Variants in DCC observed in about 807,000 individuals in gnomAD.
DCC encodes the protein netrin receptor DCC.
Under a neutral mutation model 172.5 loss-of-function variants are expected in DCC, and 58 were observed. The ratio of observed to expected loss-of-function variants is 0.34; its 90% CI spans 0.27 to 0.42. DCC has a LOEUF of 0.42. DCC is among the 10% of genes least tolerant of loss of function. The pLI is 1.00. For missense variants in DCC, 1,740 were observed against 1,791.0 expected, an observed-to-expected ratio of 0.97 and a Z score of 0.51; for synonymous variants, 709 against 644.5, an observed-to-expected ratio of 1.10 and a Z score of -1.52.
chr18:52,761,864 G>C (rs1040904307), intron 2 of DCC, among the ~76,000 whole-genome samples: 1 of 143,026 alleles, frequency 7.0e-6, no homozygotes, highest in African/African-American at 2.8e-5. Flanking sequence ...AGCCGAGATA[G>C]CGCCACTGCA....
intron 22 of DCC, among the ~76,000 whole-genome samples, chr18:53,442,991 C>G (rs1424405018): frequency 6.6e-6 from 1 of 152,110 alleles, no homozygotes; most frequent in Non-Finnish European, 1.5e-5. Context: ...GGTTTAAGAA[C>G]AGAAGCCGTC....
At chr18:52,556,913 C>T (rs1598911316) in intron 1 of DCC, among the ~76,000 whole-genome samples, 1 of 152,254 alleles carries the variant, frequency 6.6e-6, no homozygotes, top group African/African-American at 2.4e-5. Flanking sequence ...AGTCAAGAAC[C>T]TGAACTGGCC....
At chr18:52,528,231 A>C (rs1490008400) in intron 1 of DCC, among the ~76,000 whole-genome samples, 2 of 152,198 alleles carry the variant, frequency 1.3e-5, no homozygotes, top group Non-Finnish European at 2.9e-5. Flanking sequence ...TAGCTTTTCA[A>C]TAAATACTTG....
chr18:52,752,040 C>T lies in DCC; in HGVS notation c.92-14C>T, dbSNP rs1311551649. 6.2e-7 allele frequency: 1 copy of T among 1,608,256 alleles called. No individual in the cohort carries two copies. Among genetic ancestry groups the T allele is most frequent in the Non-Finnish European group, 8.5e-7 (1 of 1,174,842 alleles). On this transcript the variant is annotated splice_polypyrimidine_tract_variant and intron_variant, in intron 1 of 28. Transcript: ENST00000442544. ...GAATACATGAACATATTTCCCTGTG[C>T]TCTCTTGTTCCAGGTTTTCAAATTA... is the stretch of plus-strand genomic sequence containing the variant.
intron 2 of DCC, among the ~76,000 whole-genome samples, chr18:52,767,482 A>G (rs137948828): frequency 3.3e-5 from 5 of 152,334 alleles, no homozygotes; most frequent in South Asian, 4.1e-4. Flanking sequence ...AATGGGGTCA[A>G]GAGACTCATG....
rs189331597 is a variant in DCC, at chr18:53,393,386, A to G, written c.2688+1499A>G. ...AGGTATTTGGAAGAACTCTCCAGGC[A>G]AGTCTAAATAGTATCATTGTTATAA... On this transcript the variant is annotated intron_variant, in intron 17 of 28. Coordinates refer to ENST00000442544, the MANE Select transcript of DCC (RefSeq NM_005215.4). Among the ~76,000 whole-genome samples the G allele has an allele frequency of 4.6e-5, 7 of 152,352 alleles. No individual in the cohort carries two copies. The East Asian group carries it at 9.6e-4, about 21-fold the overall frequency.
At chr18:52,943,011 C>A (rs1242943707) in intron 5 of DCC, among the ~76,000 whole-genome samples, 3 of 152,110 alleles carry the variant, frequency 2.0e-5, no homozygotes, top group Non-Finnish European at 4.4e-5. Context: ...AAATGCCTGC[C>A]ACAGAGTATG....
chr18:53,086,363 CTTCTTCTTCTTCTTCCT>C (rs1363611321), intron 7 of DCC, among the ~76,000 whole-genome samples: 2 of 35,038 alleles, frequency 5.7e-5, no homozygotes, highest in South Asian at 1.1e-3. Context: ...CTTTCTTCTT[CTTCTTCTTCTTCTTCCT>C]TTCTTCTTCT....
chr18:52,896,513 T>A (rs1451119426), intron 2 of DCC, among the ~76,000 whole-genome samples: 1 of 152,182 alleles, frequency 6.6e-6, no homozygotes, highest in East Asian at 1.9e-4. Flanking sequence ...CATACATAAA[T>A]GGCATTGATG....
At chr18:53,206,285 CCA>C (rs2055632234) in intron 10 of DCC, among the ~76,000 whole-genome samples, 1 of 130,422 alleles carries the variant, frequency 7.7e-6, no homozygotes, top group Non-Finnish European at 1.6e-5. Context: ...CACATATATA[CCA>C]CATATATGTA....
At chr18:52,941,714 CTAT>C (rs1234159614) in intron 5 of DCC, among the ~76,000 whole-genome samples, 1 of 151,974 alleles carries the variant, frequency 6.6e-6, no homozygotes, top group African/African-American at 2.4e-5. Context: ...AAAGAGACTA[CTAT>C]TAATATTTCA....
At chr18:53,253,739 A>C (rs2056471092) in intron 12 of DCC, among the ~76,000 whole-genome samples, 2 of 152,064 alleles carry the variant, frequency 1.3e-5, no homozygotes, top group African/African-American at 4.8e-5. Context: ...ATGTGGATCA[A>C]ATTTCTTAGA....
intron 13 of DCC, among the ~76,000 whole-genome samples, chr18:53,311,214 C>G (rs939771700): frequency 6.6e-6 from 1 of 151,936 alleles, no homozygotes. Flanking sequence ...CTCTGCCTCC[C>G]GGGTTCAAGT....
intron 2 of DCC, among the ~76,000 whole-genome samples, chr18:52,821,542 G>T (rs1355011005): frequency 1.3e-5 from 2 of 151,928 alleles, no homozygotes; most frequent in Non-Finnish European, 2.9e-5. Context: ...ATTCATTCCG[G>T]CTTTAGCCCC....
rs1295513912 is a variant in DCC, at chr18:53,448,268, TCA to T, written c.3230-2229_3230-2228del. On this transcript the variant is annotated intron_variant, in intron 22 of 28. Coordinates refer to ENST00000442544, the MANE Select transcript of DCC (RefSeq NM_005215.4). ...TATAAAGGAAAGAGGTTTAATTGAC[TCA>T]CAGTTCAGCGTGGCTTGGGATGCTT... 4.6e-5 allele frequency among the ~76,000 whole-genome samples: 7 copies of T among 152,274 alleles called. No homozygotes were observed. The East Asian group carries it at 1.4e-3, about 29-fold the overall frequency.
chr18:52,384,284 C>T (rs977875608), intron 1 of DCC, among the ~76,000 whole-genome samples: 6 of 152,050 alleles, frequency 3.9e-5, no homozygotes, highest in Non-Finnish European at 5.9e-5. Context: ...CACTTCCTAC[C>T]GAGCTTCCTT....
At chr18:53,316,429 T>C (rs1360858161) in intron 13 of DCC, among the ~76,000 whole-genome samples, 1 of 152,114 alleles carries the variant, frequency 6.6e-6, no homozygotes, top group Non-Finnish European at 1.5e-5. Context: ...TTATCTTGGC[T>C]ATGCAGGCTC....
In DCC at chr18:52,830,773, G is replaced by GGT. The variant is rs1339463934; in HGVS notation, c.413-75270_413-75269dup. 2.0e-5 allele frequency among the ~76,000 whole-genome samples: 3 copies of GGT among 151,984 alleles called. No individual in the cohort carries two copies. In the East Asian group the frequency reaches 5.8e-4, roughly 29 times the overall value. ...CTTTTATCTACCTTCATAGACCTAG[G>GGT]GTAATCCATTTCCATTAAATGTAGG... is the stretch of plus-strand genomic sequence containing the variant. On this transcript the variant is annotated intron_variant, in intron 2 of 28. Transcript: ENST00000442544.
In DCC at chr18:52,416,445, G is replaced by T. The variant is rs555975070; in HGVS notation, c.91+75567G>T. ...GGTGTTCTTGTTAACTTTCTGTCTC[G>T]TTGATCTGTCTAATGTTGACAGTGG... is the stretch of plus-strand genomic sequence containing the variant. On this transcript the variant is annotated intron_variant, in intron 1 of 28. Transcript: ENST00000442544. 1.4e-3 allele frequency among the ~76,000 whole-genome samples: 206 copies of T among 152,072 alleles called. 1 individual carries two copies. Among genetic ancestry groups the T allele is most frequent in the African/African-American group, 4.2e-3 (176 of 41,476 alleles).
Sources: allele counts gnomAD v4.1 joint callset (sites outside exome capture counted in the v4.1 genomes callset), GRCh38; gene constraint gnomAD v4.1.1; transcripts MANE v1.5; gene names NCBI Gene and HGNC (gene_info 2026-07-23, HGNC 2026-07-21).